The following SUMF1 variants were observed in gnomAD, a reference collection of about 807,000 sequenced individuals.
SUMF1 encodes sulfatase modifying factor 1, also known as formylglycine-generating enzyme.
SUMF1 carries 48 observed loss-of-function variants against 47.6 expected under a neutral mutation model. The observed-to-expected ratio is 1.01, with a 90% CI of 0.80 to 1.28. The LOEUF (loss-of-function observed/expected upper bound fraction) is 1.28, where lower values mean the gene tolerates loss of function less well. SUMF1 is among the 50% of genes most tolerant of loss of function. The probability of loss-of-function intolerance (pLI) is 0.00; values close to 1 mark genes in which losing one functional copy is unlikely to be tolerated. For missense variants in SUMF1, 571 were observed against 485.4 expected, an observed-to-expected ratio of 1.18 and a Z score of -1.66; for synonymous variants, 230 against 192.1, an observed-to-expected ratio of 1.20 and a Z score of -1.63.
intron 8 of SUMF1, among the ~76,000 whole-genome samples, chr3:4,200,494 C>G (rs1442196203): frequency 6.6e-6 from 1 of 152,082 alleles, no homozygotes; most frequent in East Asian, 1.9e-4. Flanking sequence ...GTTTTCCAGC[C>G]TTTGAACTAT....
At chr3:4,161,793 C>A (rs552999602) in intron 8 of SUMF1, among the ~76,000 whole-genome samples, 52 of 152,058 alleles carry the variant, frequency 3.4e-4, no homozygotes, top group Admixed American at 7.2e-4. Context: ...GGTGCCCTAC[C>A]CCACTGTGGC....
intron 8 of SUMF1, among the ~76,000 whole-genome samples, chr3:4,159,681 C>A (rs1167639067): frequency 6.6e-6 from 1 of 151,998 alleles, no homozygotes; most frequent in Non-Finnish European, 1.5e-5. Flanking sequence ...AAATAACATC[C>A]TTTTCTTAAC....
At chr3:4,240,908 C>T (rs978537652) in intron 8 of SUMF1, among the ~76,000 whole-genome samples, 2 of 151,616 alleles carry the variant, frequency 1.3e-5, no homozygotes, top group South Asian at 4.2e-4. Flanking sequence ...TTTATAAAGA[C>T]CTTTATAAAG....
At chr3:4,392,332 T>C (rs1700894821) in intron 7 of SUMF1, among the ~76,000 whole-genome samples, 1 of 152,158 alleles carries the variant, frequency 6.6e-6, no homozygotes, top group African/African-American at 2.4e-5. Context: ...ATAGCAACTA[T>C]TCAAATATAC....
intron 8 of SUMF1, among the ~76,000 whole-genome samples, chr3:4,332,455 A>G (rs1294115665): frequency 2.6e-5 from 4 of 152,234 alleles, no homozygotes; most frequent in African/African-American, 9.6e-5. Context: ...TGCTCAAACC[A>G]AAGGGGTTTT....
intron 8 of SUMF1, among the ~76,000 whole-genome samples, chr3:4,146,793 T>G (rs554038020): frequency 1.3e-5 from 2 of 151,916 alleles, no homozygotes; most frequent in Non-Finnish European, 2.9e-5. Context: ...AGTGTTTGGT[T>G]TTTTGTCCTT....
intron 8 of SUMF1, among the ~76,000 whole-genome samples, chr3:4,254,358 A>G (rs1696893066): frequency 6.6e-6 from 1 of 151,512 alleles, no homozygotes; most frequent in Non-Finnish European, 1.5e-5. Flanking sequence ...GAAGTTGAAA[A>G]CTTTGAAAAA....
chr3:4,351,441 C>T (rs1255704599), intron 8 of SUMF1, among the ~76,000 whole-genome samples: 2 of 151,852 alleles, frequency 1.3e-5, no homozygotes, highest in African/African-American at 4.8e-5. Flanking sequence ...CTTTTTCAGA[C>T]CGCTATTTCA....
intron 6 of SUMF1, among the ~76,000 whole-genome samples, chr3:4,416,802 A>G (rs1044879621): frequency 6.6e-6 from 1 of 152,262 alleles, no homozygotes; most frequent in Non-Finnish European, 1.5e-5. Context: ...TCATCAACAC[A>G]GAGAACAAAT....
rs148572153 is a variant in SUMF1 at position 4,236,764 on chromosome 3, A to C, written c.1014+139566T>G. 5.8e-3 allele frequency among the ~76,000 whole-genome samples: 888 copies of C among 152,174 alleles called. 10 individuals are homozygous for C. Among genetic ancestry groups the C allele is most frequent in the African/African-American group, 0.02 (844 of 41,542 alleles). On this transcript the variant is annotated intron_variant and NMD_transcript_variant, in intron 8 of 12. Transcript: ENST00000448413. ...CAACATTGATACACCATTATCACCT[A>C]AAGTCCATCATTTATATTAAGGTTC...
intron 3 of SUMF1, among the ~76,000 whole-genome samples, chr3:4,445,362 G>A (rs1368371189): frequency 2.6e-5 from 4 of 152,120 alleles, no homozygotes; most frequent in Non-Finnish European, 5.9e-5. Flanking sequence ...CCCAGAGACA[G>A]GGTCTCACTC....
At chr3:4,211,229 C>CATATATATATATATATATATATA (rs1479579920) in intron 8 of SUMF1, among the ~76,000 whole-genome samples, 2 of 55,552 alleles carry the variant, frequency 3.6e-5, no homozygotes, top group Admixed American at 2.1e-4. Context: ...TATATATATC[C>CATATATATATATATATATATATA]TATTAGTTCT....
At chr3:4,072,698 A>G (rs925812216) in intron 8 of SUMF1, among the ~76,000 whole-genome samples, 1 of 152,176 alleles carries the variant, frequency 6.6e-6, no homozygotes, top group Non-Finnish European at 1.5e-5. Flanking sequence ...CAGAAACTTC[A>G]ATAGCTGATT....
chr3:4,236,976 T>G (rs1009130362), intron 8 of SUMF1, among the ~76,000 whole-genome samples: 4 of 152,170 alleles, frequency 2.6e-5, no homozygotes, highest in Non-Finnish European at 5.9e-5. Flanking sequence ...GAATGTCATA[T>G]AATAGAAATT....
At chr3:4,407,859 AG>A (rs1258855542) in intron 7 of SUMF1, among the ~76,000 whole-genome samples, 2 of 152,212 alleles carry the variant, frequency 1.3e-5, no homozygotes, top group Non-Finnish European at 2.9e-5. Flanking sequence ...AGGCCCTCCA[AG>A]GTGGAGGATC....
chr3:4,426,396 C>T (rs17685501), intron 3 of SUMF1, among the ~76,000 whole-genome samples: 49,810 of 152,020 alleles, frequency 0.33, 9,011 homozygotes, highest in Middle Eastern at 0.41. Flanking sequence ...CGCAAGTTTC[C>T]CTTGGAATGT....
chr3:4,271,462 TATCTATAG>T (rs1697299734), intron 8 of SUMF1, among the ~76,000 whole-genome samples: 1 of 139,558 alleles, frequency 7.2e-6, no homozygotes, highest in Non-Finnish European at 1.6e-5. Context: ...TGTTTTATAC[TATCTATAG>T]ATAGATAGAT....
chr3:4,349,148 T>A (rs1438137663), intron 8 of SUMF1, among the ~76,000 whole-genome samples: 3 of 151,914 alleles, frequency 2.0e-5, no homozygotes. Context: ...TTTAAACATA[T>A]TTACAAGAAA....
At chr3:4,421,450 T>C (rs747899051) in intron 3 of SUMF1, among the ~76,000 whole-genome samples, 17 of 152,118 alleles carry the variant, frequency 1.1e-4, no homozygotes, top group Non-Finnish European at 1.8e-4. Context: ...AAACTAATCA[T>C]TGTTGCTAAT....
Sources: gnomAD v4.1 joint callset for allele counts (sites outside exome capture counted in the v4.1 genomes callset) on GRCh38, gnomAD v4.1.1 for gene constraint, MANE v1.5 for transcripts, NCBI Gene and HGNC (gene_info 2026-07-23, HGNC 2026-07-21) for gene names.